The following MYH10 variants were observed in gnomAD, a reference collection of about 807,000 sequenced individuals.
The protein encoded by MYH10 is myosin-10.
MYH10 carries 55 observed loss-of-function variants against 257.8 expected under a neutral mutation model. That is an observed-to-expected ratio of 0.21 (90% CI 0.17 to 0.27). The LOEUF (loss-of-function observed/expected upper bound fraction) is 0.27. MYH10 is among the 10% of genes least tolerant of loss of function. The pLI is 1.00. For missense variants in MYH10, 1,631 were observed against 2,500.6 expected, an observed-to-expected ratio of 0.65 and a Z score of 7.42; for synonymous variants, 854 against 921.7, an observed-to-expected ratio of 0.93 and a Z score of 1.33.
intron 26 of MYH10, among the ~76,000 whole-genome samples, chr17:8,507,770 G>C (rs1018560903): frequency 6.6e-6 from 1 of 152,178 alleles, no homozygotes; most frequent in Non-Finnish European, 1.5e-5. Context: ...TCAGGAGTTT[G>C]AGACCAGCCT....
chr17:8,567,136 CAG>C (rs879807080), intron 7 of MYH10, among the ~76,000 whole-genome samples: 21 of 152,166 alleles, frequency 1.4e-4, no homozygotes, highest in Admixed American at 1.4e-3. Context: ...CCACTAAACA[CAG>C]GGCATTTCAG....
chr17:8,608,851 G>T (rs1009618728), intron 2 of MYH10, among the ~76,000 whole-genome samples: 17 of 145,288 alleles, frequency 1.2e-4, no homozygotes, highest in African/African-American at 4.1e-4. Flanking sequence ...TCGCTCTGTC[G>T]CCAGGCTGGA....
chr17:8,618,173 G>A lies in MYH10; in HGVS notation c.345+4729C>T, dbSNP rs930801701. Among the ~76,000 whole-genome samples the A allele has an allele frequency of 1.1e-4, 16 of 151,944 alleles. 1 individual carries two copies. Among genetic ancestry groups the A allele is most frequent in the South Asian group, 6.2e-4 (3 of 4,816 alleles). ...ATATTTAGTTGGAAGAGAGAGGAACGGTTTAACAGTCTTTTCAGATAACCA... is the reference window on the plus strand; with the variant it reads ...ATATTTAGTTGGAAGAGAGAGGAACAGTTTAACAGTCTTTTCAGATAACCA... On this transcript the variant is annotated intron_variant, in intron 2 of 42. Transcript: ENST00000360416.
rs765865072 is a variant in MYH10, at chr17:8,492,414, T to C, written c.4554A>G (p.Ser1518=). The C allele has an allele frequency of 5.6e-6, 9 of 1,613,318 alleles. No individual in the cohort carries two copies. Among genetic ancestry groups the C allele is most frequent in the African/African-American group, 5.3e-5 (4 of 74,946 alleles). Residue 1518 remains serine (S), a synonymous_variant, in exon 34 of 43, where the codon TCA becomes TCG. Transcript: ENST00000360416. ...EAREKETKAL[S]LARALEEALE... is the part of the protein sequence containing the mutation. ...GGGCTTCCTCGAGGGCCCGGGCCAG[T>C]GACAGGGCTTTGGTTTCTTTCTCTC...
Position 8,477,553 on chromosome 17 carries a change from C to A in MYH10, c.5707-505G>T, listed in dbSNP as rs2151761950. Among the ~76,000 whole-genome samples, 1 of 152,326 alleles carries A rather than the reference C, an allele frequency of 6.6e-6. No homozygotes were observed. Among genetic ancestry groups the A allele is most frequent in the South Asian group, 2.1e-4 (1 of 4,830 alleles). On this transcript the variant is annotated intron_variant, in intron 41 of 42. Coordinates refer to ENST00000360416, the MANE Select transcript of MYH10 (RefSeq NM_001256012.3). This position sits in a 1 kb window ranked among gnomAD's most constrained non-coding sequence, Gnocchi z 4.2. ...CTAAGAGCCTCCCTTTTGGACCCTT[C>A]ATTCCTGAGCCACACAGGCACTGGT...
intron 30 of MYH10, among the ~76,000 whole-genome samples, chr17:8,495,978 GGATGACAGATGT>G (rs998824734): frequency 6.6e-5 from 10 of 152,104 alleles, no homozygotes; most frequent in Admixed American, 3.9e-4. Flanking sequence ...CAAAGTGCTG[GGATGACAGATGT>G]GAGCCACCAC....
intron 1 of MYH10, among the ~76,000 whole-genome samples, chr17:8,628,241 C>A (rs2085757266): frequency 6.6e-6 from 1 of 152,138 alleles, no homozygotes; most frequent in Non-Finnish European, 1.5e-5. Flanking sequence ...TTTTAAATTG[C>A]TGCCTAATTA....
At chr17:8,560,106 T>C (rs1053669181) in intron 7 of MYH10, among the ~76,000 whole-genome samples, 1 of 152,246 alleles carries the variant, frequency 6.6e-6, no homozygotes, top group Non-Finnish European at 1.5e-5. Flanking sequence ...TATAAACTTT[T>C]AGCTTTCACC....
intron 7 of MYH10, among the ~76,000 whole-genome samples, chr17:8,565,976 G>T (rs1354510776): frequency 6.6e-6 from 1 of 151,974 alleles, no homozygotes; most frequent in Non-Finnish European, 1.5e-5. Context: ...TCTAGAGCAG[G>T]GTTTCTCGAT....
chr17:8,578,248 T>TTC, intron 4 of MYH10, among the ~76,000 whole-genome samples: 1 of 148,536 alleles, frequency 6.7e-6, no homozygotes, highest in African/African-American at 2.5e-5. Flanking sequence ...TCTTTCTTTT[T>TTC]TTTTTTTTTT....
At chr17:8,567,538 T>G (rs1266338616) in intron 7 of MYH10, among the ~76,000 whole-genome samples, 2 of 152,180 alleles carry the variant, frequency 1.3e-5, no homozygotes. Flanking sequence ...ATGATGGAAC[T>G]GTAATTAGGA....
At chr17:8,574,632 T>C (rs2083447099) in intron 6 of MYH10, among the ~76,000 whole-genome samples, 1 of 152,146 alleles carries the variant, frequency 6.6e-6, no homozygotes. Flanking sequence ...CCCCTTTGGG[T>C]TTACAATTCA....
intron 28 of MYH10, among the ~76,000 whole-genome samples, chr17:8,503,279 G>A (rs1041213760): frequency 3.5e-4 from 45 of 128,716 alleles, no homozygotes; most frequent in African/African-American, 1.3e-3. Context: ...GCGAAACTCC[G>A]TCTCAAAAAA....
At chr17:8,515,838 C>T (rs567091746) in intron 21 of MYH10, among the ~76,000 whole-genome samples, 3 of 152,304 alleles carry the variant, frequency 2.0e-5, no homozygotes, top group African/African-American at 7.2e-5. Context: ...GCCACCGTGC[C>T]TGGCCGGGAT....
chr17:8,475,732 C>T lies in MYH10; in HGVS notation c.*72G>A, dbSNP rs1014867296. The T allele has an allele frequency of 9.1e-6, 14 of 1,539,584 alleles. No individual in the cohort carries two copies. Among genetic ancestry groups the T allele is most frequent in the East Asian group, 6.8e-5 (3 of 44,246 alleles). ...AGGAATCCCGTAGCTTGCCAATTTC[C>T]GAAATCTGCAGGAGGCCCCGGGTGC... On this transcript the variant is annotated 3_prime_UTR_variant, in exon 43 of 43. Transcript: ENST00000360416.
chr17:8,553,418 T>C (rs777402065), intron 8 of MYH10, among the ~76,000 whole-genome samples: 3 of 152,214 alleles, frequency 2.0e-5, no homozygotes, highest in Non-Finnish European at 4.4e-5. Context: ...TTATTACATC[T>C]ATACTCAAAT....
At chr17:8,591,969 AT>A (rs2084159915) in intron 3 of MYH10, among the ~76,000 whole-genome samples, 2 of 152,196 alleles carry the variant, frequency 1.3e-5, no homozygotes, top group African/African-American at 4.8e-5. Context: ...CCCTTCAAGG[AT>A]CAACTGCAGG....
chr17:8,615,232 T>C (rs1448384004), intron 2 of MYH10, among the ~76,000 whole-genome samples: 2 of 151,928 alleles, frequency 1.3e-5, no homozygotes, highest in Admixed American at 1.3e-4. Flanking sequence ...GAGCTATGAT[T>C]GCACCAGTGC....
chr17:8,494,010 T>TA, intron 31 of MYH10, 125 bp from the exon 32 acceptor site: 1 of 1,021,974 alleles, frequency 9.8e-7, no homozygotes, highest in Non-Finnish European at 1.4e-6. Context: ...CCAGTGACAT[T>TA]AACAAACACA....
Sources: allele counts gnomAD v4.1 joint callset (sites outside exome capture counted in the v4.1 genomes callset), GRCh38; gene constraint gnomAD v4.1.1; non-coding constraint Gnocchi (gnomAD v3.1); transcripts MANE v1.5; gene names NCBI Gene and HGNC (gene_info 2026-07-23, HGNC 2026-07-21).